The following SGCD variants were observed in gnomAD, a reference collection of about 807,000 sequenced individuals.
SGCD encodes sarcoglycan delta.
In SGCD, 18 loss-of-function variants were observed where a neutral mutation model predicts 36.6. The ratio of observed to expected loss-of-function variants is 0.49; its 90% CI spans 0.34 to 0.73. The LOEUF (loss-of-function observed/expected upper bound fraction) is 0.73. SGCD is among the 30% of genes least tolerant of loss of function. The pLI is 0.01. For missense variants in SGCD, 387 were observed against 346.7 expected (o/e 1.12, Z -0.92); for synonymous variants, 133 against 130.6 (o/e 1.02, Z -0.12).
chr5:156,639,507 C>G (rs764754528), intron 6 of SGCD, among the ~76,000 whole-genome samples: 1 of 152,180 alleles, frequency 6.6e-6, no homozygotes, highest in Non-Finnish European at 1.5e-5. Context: ...TACTAACCAC[C>G]GCTAGGCCTT....
At chr5:156,197,760 C>T (rs937469013) in intron 3 of SGCD, among the ~76,000 whole-genome samples, 8 of 151,878 alleles carry the variant, frequency 5.3e-5, no homozygotes, top group Non-Finnish European at 7.4e-5. Context: ...CTCTTTGATT[C>T]ATTATTTTGT....
intron 1 of SGCD, among the ~76,000 whole-genome samples, chr5:156,100,853 C>T (rs76161576): frequency 0.026 from 3,994 of 152,148 alleles, 170 homozygotes; most frequent in African/African-American, 0.09. Flanking sequence ...ATCTACCTAC[C>T]GTACCTTGAT....
intron 3 of SGCD, among the ~76,000 whole-genome samples, chr5:156,188,797 A>G (rs1234471302): frequency 6.6e-6 from 1 of 151,680 alleles, no homozygotes. Flanking sequence ...TAAGACCGAG[A>G]GCGTAACCAC....
the SGCD span, among the ~76,000 whole-genome samples, chr5:155,863,469 G>C: frequency 4.4e-4 from 67 of 151,902 alleles, no homozygotes; most frequent in African/African-American, 1.6e-3. Context: ...CTTACCTTCA[G>C]GTTTAACTGG....
chr5:156,444,236 G>C (rs1053649826), intron 3 of SGCD, among the ~76,000 whole-genome samples: 4 of 145,864 alleles, frequency 2.7e-5, no homozygotes, highest in African/African-American at 5.1e-5. Context: ...CTCTCTCTCT[G>C]TGTTTCTGTT....
chr5:155,868,903 A>G (rs1358688218), upstream of SGCD, among the ~76,000 whole-genome samples: 2 of 152,216 alleles, frequency 1.3e-5, no homozygotes, highest in African/African-American at 4.8e-5. Flanking sequence ...TCCCTGAAAT[A>G]GCAAGAAATG....
chr5:156,534,575 C>A lies in SGCD; in HGVS notation c.294+25873C>A, dbSNP rs550001758. On this transcript the variant is annotated intron_variant, in intron 4 of 8. Coordinates refer to ENST00000337851, the MANE Select transcript of SGCD (RefSeq NM_000337.6). ...ATATGGAAATGCTTTCCGTGGATATCTTCCTTCCCATGGGAAGACTTGCAT... is the reference window on the plus strand; with the variant it reads ...ATATGGAAATGCTTTCCGTGGATATATTCCTTCCCATGGGAAGACTTGCAT... Among the ~76,000 whole-genome samples, 6 of 152,286 alleles carry A rather than the reference C, an allele frequency of 3.9e-5. No individual in the cohort carries two copies. In the East Asian group the frequency reaches 1.2e-3, roughly 29 times the overall value.
At chr5:156,013,186 G>A (rs1292274432) in intron 1 of SGCD, among the ~76,000 whole-genome samples, 3 of 151,514 alleles carry the variant, frequency 2.0e-5, no homozygotes, top group Non-Finnish European at 2.9e-5. Context: ...CACCACACCC[G>A]GCTAATTTTT....
chr5:155,974,436 A>G (rs1758068604), intron 1 of SGCD, among the ~76,000 whole-genome samples: 1 of 152,034 alleles, frequency 6.6e-6, no homozygotes, highest in Non-Finnish European at 1.5e-5. Flanking sequence ...TCCCCAGGGT[A>G]TCATGTATCA....
chr5:155,770,880 A>G, the SGCD span, among the ~76,000 whole-genome samples: 1 of 152,138 alleles, frequency 6.6e-6, no homozygotes, highest in East Asian at 1.9e-4. Context: ...TTCATTAATC[A>G]CATACTGAAT....
intron 7 of SGCD, among the ~76,000 whole-genome samples, chr5:156,661,776 C>G (rs1177953250): frequency 6.6e-6 from 1 of 151,804 alleles, no homozygotes; most frequent in Non-Finnish European, 1.5e-5. Context: ...AAAGGCTTGT[C>G]TAACTTGTTC....
At chr5:156,684,005 T>C (rs1301377812) in intron 7 of SGCD, among the ~76,000 whole-genome samples, 1 of 152,222 alleles carries the variant, frequency 6.6e-6, no homozygotes, top group Admixed American at 6.5e-5. Context: ...TAGTTGATTG[T>C]CTCGTGTACA....
At chr5:156,481,622 T>A (rs992552176) in intron 3 of SGCD, among the ~76,000 whole-genome samples, 1 of 152,172 alleles carries the variant, frequency 6.6e-6, no homozygotes, top group Non-Finnish European at 1.5e-5. Flanking sequence ...CTTATCTGCA[T>A]CTATCAGAAG....
In SGCD at chr5:156,413,312, A is replaced by G. The variant is rs527558401; in HGVS notation, c.192+68635A>G. Among the ~76,000 whole-genome samples the G allele has an allele frequency of 3.9e-5, 6 of 152,306 alleles. No individual in the cohort carries two copies. In the East Asian group the frequency reaches 9.7e-4, roughly 25 times the overall value. The stretch of plus-strand genomic sequence containing the variant: ...TGACACTTATGCTGAGATGCACGAG[A>G]TGAGAAGAAGATAGCCTACCACATA... On this transcript the variant is annotated intron_variant, in intron 3 of 8. Coordinates refer to ENST00000337851, the MANE Select transcript of SGCD (RefSeq NM_000337.6).
chr5:155,931,219 C>T (rs1757092281), intron 1 of SGCD, among the ~76,000 whole-genome samples: 1 of 151,932 alleles, frequency 6.6e-6, no homozygotes, highest in Non-Finnish European at 1.5e-5. Context: ...TAAGAGTAAG[C>T]TTGTTGGGTT....
chr5:155,732,650 C>T, the SGCD span, among the ~76,000 whole-genome samples: 7,030 of 152,266 alleles, frequency 0.046, 513 homozygotes, highest in African/African-American at 0.16. Context: ...ATCAAGGTCA[C>T]TTACATCTTA....
chr5:156,290,188 C>T (rs1194852536), intron 3 of SGCD, among the ~76,000 whole-genome samples: 1 of 151,968 alleles, frequency 6.6e-6, no homozygotes, highest in Non-Finnish European at 1.5e-5. Flanking sequence ...ACTATTATTA[C>T]CTGTATTTTA....
At chr5:156,582,376 G>A (rs1398444570) in intron 4 of SGCD, among the ~76,000 whole-genome samples, 1 of 152,164 alleles carries the variant, frequency 6.6e-6, no homozygotes, top group African/African-American at 2.4e-5. Flanking sequence ...ATAGTTCCCA[G>A]TACTGTGATG....
intron 3 of SGCD, among the ~76,000 whole-genome samples, chr5:156,258,378 G>C (rs1765765944): frequency 1.3e-5 from 2 of 152,044 alleles, no homozygotes; most frequent in African/African-American, 2.4e-5. Flanking sequence ...ATCATATATG[G>C]GGTAAAAATG....
Sources: gnomAD v4.1 joint callset for allele counts (sites outside exome capture counted in the v4.1 genomes callset) on GRCh38, gnomAD v4.1.1 for gene constraint, MANE v1.5 for transcripts, NCBI Gene and HGNC (gene_info 2026-07-23, HGNC 2026-07-21) for gene names.